COPS8: variants seen among roughly 807,000 people sequenced by gnomAD.
COPS8 encodes the protein COP9 signalosome complex subunit 8.
A neutral mutation model predicts 31.5 loss-of-function variants in COPS8; 11 were observed. That is an observed-to-expected ratio of 0.35 (90% CI 0.22 to 0.58). COPS8 has a LOEUF of 0.58. Ranked by LOEUF, COPS8 falls within the 20% of genes least tolerant of loss-of-function variation. COPS8 has a pLI of 0.83. For synonymous variants in COPS8, 81 were observed against 89.3 expected (o/e 0.91, Z 0.52); for missense variants, 215 against 255.1 (o/e 0.84, Z 1.07).
chr2:237,092,846 GC>G (rs1395710824), intron 4 of COPS8, among the ~76,000 whole-genome samples: 2 of 152,148 alleles, frequency 1.3e-5, no homozygotes, highest in East Asian at 3.9e-4. Flanking sequence ...TTGGAGTCGT[GC>G]CCCATTTTGG....
intron 4 of COPS8, among the ~76,000 whole-genome samples, chr2:237,090,459 C>T (rs1343995578): frequency 6.6e-6 from 1 of 152,200 alleles, no homozygotes; most frequent in Non-Finnish European, 1.5e-5. Flanking sequence ...CCTGGTGTGA[C>T]AGAGCACTGA....
Position 237,089,853 on chromosome 2 carries a change from T to G in COPS8, c.199-9T>G. 6.2e-7 allele frequency: 1 copy of G among 1,611,860 alleles called. No individual in the cohort carries two copies. The highest frequency in any genetic ancestry group is 8.5e-7 in the Non-Finnish European group (1 of 1,179,574). ...TGAATACCCTCTAAGGCAATAATATTTATTGCAGGCAAATTCTGAACTTGG... is the reference window on the plus strand; with the variant it reads ...TGAATACCCTCTAAGGCAATAATATGTATTGCAGGCAAATTCTGAACTTGG... On this transcript the variant is annotated splice_polypyrimidine_tract_variant and intron_variant, in intron 3 of 7. Coordinates refer to ENST00000354371, the MANE Select transcript of COPS8 (RefSeq NM_006710.5).
intron 2 of COPS8, chr2:237,087,658 C>T (rs559810927): frequency 3.5e-5 from 7 of 202,572 alleles, no homozygotes; most frequent in Non-Finnish European, 7.4e-5. Flanking sequence ...GGCCGGGCGC[C>T]GTGGCACACG....
rs2106348791 is a variant in COPS8, at chr2:237,099,838, T to C, written c.*2096T>C. ...AGATGTCCAGGATTCAAGGAGGCTC[T>C]TAAAGACTTGGGATTCTGTCAAAGG... is the stretch of plus-strand genomic sequence containing the variant. On this transcript the variant is annotated 3_prime_UTR_variant, in exon 8 of 8. Coordinates refer to ENST00000354371, the MANE Select transcript of COPS8 (RefSeq NM_006710.5). 6.6e-6 allele frequency: 1 copy of C among 152,334 alleles called. No homozygotes were observed. The highest frequency in any genetic ancestry group is 1.9e-4 in the East Asian group (1 of 5,182). The allele number at this position is 152,334 out of a possible 1,614,324, so 9.4% of individuals were successfully genotyped here.
rs1472168901 is a variant in COPS8 at position 237,087,140 on chromosome 2, T to C, written c.92T>C (p.Ile31Thr). 1.2e-6 allele frequency: 2 copies of C among 1,605,670 alleles called. No homozygotes were observed. Among genetic ancestry groups the C allele is most frequent in the Non-Finnish European group, 8.5e-7 (1 of 1,176,874 alleles). Residue 31 changes from isoleucine (I) to threonine (T), a missense_variant, in exon 2 of 8, where the codon ATT becomes ACT. Transcript: ENST00000354371. ...TTGGCCTTCTAGGCCCCTGGAGGAA[T>C]TGCTACACCCCCAGTGTATGGTCAG... ...ENQELEAPGG[I>T]ATPPVYGQLL...
At chr2:237,091,918 C>G (rs1237754622) in intron 4 of COPS8, among the ~76,000 whole-genome samples, 1 of 152,178 alleles carries the variant, frequency 6.6e-6, no homozygotes, top group Non-Finnish European at 1.5e-5. Flanking sequence ...AGCCCCAATT[C>G]GCCAAAGCAA....
intron 1 of COPS8, among the ~76,000 whole-genome samples, chr2:237,086,296 C>T (rs1243611600): frequency 6.6e-6 from 1 of 152,110 alleles, no homozygotes; most frequent in African/African-American, 2.4e-5. Context: ...TTTGCTCCAG[C>T]ACCTACCGAT....
At chr2:237,094,790 GC>G (rs1696767891) in intron 5 of COPS8, among the ~76,000 whole-genome samples, 1 of 151,856 alleles carries the variant, frequency 6.6e-6, no homozygotes, top group Non-Finnish European at 1.5e-5. Flanking sequence ...CATGGTGAAA[GC>G]CCGTCTCTAC....
At chr2:237,097,585 A>AG (rs959043582) in intron 7 of COPS8, 78 bp from the exon 8 acceptor site, 3 of 934,340 alleles carry the variant, frequency 3.2e-6, no homozygotes, top group Non-Finnish European at 5.1e-6. Flanking sequence ...TGAAGGCATT[A>AG]GGGGAGGTAG....
chr2:237,094,199 T>TA lies in COPS8; in HGVS notation c.439+4dup. On this transcript the variant is annotated splice_region_variant and intron_variant, in intron 5 of 7. Transcript: ENST00000354371. Reference sequence around the variant, plus strand: ...TTCCTGTAGAAGAGGCTGTGAAAGGTAATTTTGGCTTACTTTTTACTTATA... The same window carrying TA: ...TTCCTGTAGAAGAGGCTGTGAAAGGTAAATTTTGGCTTACTTTTTACTTATA... 6.2e-7 allele frequency: 1 copy of TA among 1,612,560 alleles called. No individual in the cohort carries two copies.
rs536367647 is a variant in COPS8, at chr2:237,098,994, G to C, written c.*1252G>C. ...GGAATTCAAGAAGTCAGAGGATCAG[G>C]AGAGTGATCAAGAGAATGACAGTGC... On this transcript the variant is annotated 3_prime_UTR_variant, in exon 8 of 8. Transcript: ENST00000354371. 9.2e-5 allele frequency: 14 copies of C among 152,280 alleles called. No homozygotes were observed. Among genetic ancestry groups the C allele is most frequent in the Admixed American group, 3.9e-4 (6 of 15,284 alleles). 9.4% of individuals were successfully genotyped at this position (152,280 alleles called of 1,614,324 possible). A position where few individuals can be genotyped will look rare whatever the true frequency, so the allele number is the denominator to read the frequency against.
rs1315565465 is a variant in COPS8 at position 237,098,394 on chromosome 2, CAT to C, written c.*655_*656del. On this transcript the variant is annotated 3_prime_UTR_variant, in exon 8 of 8. Transcript: ENST00000354371. ...CAACTTATTTAAGACATTTATGAGACATATTAACTTGTGCTGTCGCCTTTTAG... is the reference window on the plus strand; with the variant it reads ...CAACTTATTTAAGACATTTATGAGACATTAACTTGTGCTGTCGCCTTTTAG... 1 of 152,244 alleles carries C rather than the reference CAT, an allele frequency of 6.6e-6. No individual in the cohort carries two copies. The highest frequency in any genetic ancestry group is 1.5e-5 in the Non-Finnish European group (1 of 68,086). 9.4% of individuals were successfully genotyped at this position (152,244 alleles called of 1,614,324 possible).
intron 4 of COPS8, among the ~76,000 whole-genome samples, chr2:237,092,530 G>A (rs1447899939): frequency 1.3e-5 from 2 of 151,706 alleles, no homozygotes; most frequent in South Asian, 2.1e-4. Flanking sequence ...GTTTTATGGT[G>A]TATACTTTTA....
chr2:237,089,310 ATTCTG>A (rs1007695026), intron 3 of COPS8, among the ~76,000 whole-genome samples: 4 of 151,858 alleles, frequency 2.6e-5, no homozygotes, highest in Admixed American at 2.0e-4. Context: ...TCCCTCATAC[ATTCTG>A]TTCTGTTAAG....
rs1696789617 is a variant in COPS8, at chr2:237,095,813, CT to C, written c.440-3del. ...TTTCCGGATCTTTATGTGTAATATA[CT>C]TTTTTAGGCATATTAGAACAAGGAT... On this transcript the variant is annotated splice_region_variant and splice_polypyrimidine_tract_variant and intron_variant, in intron 5 of 7. Coordinates refer to ENST00000354371, the MANE Select transcript of COPS8 (RefSeq NM_006710.5). The C allele has an allele frequency of 1.3e-6, 2 of 1,596,118 alleles. No individual in the cohort carries two copies. Among genetic ancestry groups the C allele is most frequent in the African/African-American group, 1.3e-5 (1 of 74,494 alleles).
chr2:237,095,036 G>A (rs1444911519), intron 5 of COPS8, among the ~76,000 whole-genome samples: 1 of 152,096 alleles, frequency 6.6e-6, no homozygotes, highest in South Asian at 2.1e-4. Context: ...TGATTCTCCA[G>A]CTAAAATATG....
intron 4 of COPS8, among the ~76,000 whole-genome samples, chr2:237,093,126 G>A (rs887656080): frequency 2.9e-4 from 44 of 152,118 alleles, no homozygotes; most frequent in Admixed American, 6.5e-5. Context: ...CAGACAGGAG[G>A]GCATTTCAGG....
At chr2:237,096,799 G>C (rs776354052) in intron 6 of COPS8, 23 bp from the exon 7 acceptor site, 2 of 1,594,430 alleles carry the variant, frequency 1.3e-6, no homozygotes, top group South Asian at 1.1e-5. Flanking sequence ...AAATTGAGCT[G>C]TACATTTTTT....
Position 237,086,057 on chromosome 2 carries a change from C to T in COPS8, c.78+15C>T. The T allele has an allele frequency of 6.2e-7, 1 of 1,610,420 alleles. No homozygotes were observed. The highest frequency in any genetic ancestry group is 8.5e-7 in the Non-Finnish European group (1 of 1,177,450). On this transcript the variant is annotated intron_variant, in intron 1 of 7. Transcript: ENST00000354371. ...AGGAGCTCGAGGTAACCCTTTGCGT[C>T]GCGCTGGGAGAAACTGCGGAGTAGT...
Sources: gnomAD v4.1 joint callset for allele counts (sites outside exome capture counted in the v4.1 genomes callset) on GRCh38, gnomAD v4.1.1 for gene constraint, MANE v1.5 for transcripts, NCBI Gene and HGNC (gene_info 2026-07-23, HGNC 2026-07-21) for gene names.